The following DHX36 variants were observed in gnomAD, a reference collection of about 807,000 sequenced individuals.
The protein encoded by DHX36 is DEAH-box helicase 36.
Under a neutral mutation model 139.0 loss-of-function variants are expected in DHX36, and 50 were observed. That is an observed-to-expected ratio of 0.36 (90% confidence interval 0.29 to 0.46). The LOEUF is 0.46. Ranked by LOEUF, DHX36 falls within the 20% of genes least tolerant of loss-of-function variation. The pLI is 1.00. For synonymous variants in DHX36, 425 were observed against 401.9 expected (o/e 1.06, Z -0.69); for missense variants, 1,024 against 1,211.3 (o/e 0.85, Z 2.29).
intron 17 of DHX36, among the ~76,000 whole-genome samples, chr3:154,288,485 C>A (rs140295463): frequency 6.6e-6 from 1 of 151,952 alleles, no homozygotes; most frequent in Non-Finnish European, 1.5e-5. Context: ...TGGGAATGTT[C>A]TTCTTGATGT....
rs1418337241 is a variant in DHX36, at chr3:154,283,269, G to C, written c.2295C>G (p.Gly765=). Residue 765 remains glycine (G), a splice_region_variant and synonymous_variant, in exon 20 of 25, where the codon GGC becomes GGG. Transcript: ENST00000496811. ...DHLTVVNAFE[G]WEEARRRGFR... ...AACCACGTCGCCTAGCCTCTTCCCA[G>C]CCCTATGGGGCAAAGAAATGAAGAA... is the stretch of plus-strand genomic sequence containing the variant. 5.0e-6 allele frequency: 8 copies of C among 1,606,662 alleles called. No homozygotes were observed. In the South Asian group the frequency reaches 6.6e-5, roughly 13 times the overall value.
rs1472066814 is a variant in DHX36, at chr3:154,316,074, T to G, written c.333A>C (p.Glu111Asp). The G allele has an allele frequency of 6.2e-7, 1 of 1,613,378 alleles. No homozygotes were observed. Among genetic ancestry groups the G allele is most frequent in the Admixed American group, 1.7e-5 (1 of 59,930 alleles). The change falls in exon 2 of 25, where the codon GAA (glutamate) becomes GAC (aspartate). Residue 111 changes from glutamate to aspartate, a missense_variant. Physicochemically the swap from Glu to Asp is conservative, Grantham distance 45. Transcript: ENST00000496811. Reference sequence around the variant, plus strand: ...CAGGAGCAAACCAGGATATCTGTGCTTCTGACTCTTTATCATTCTTCGCTT... The same window carrying G: ...CAGGAGCAAACCAGGATATCTGTGCGTCTGACTCTTTATCATTCTTCGCTT... The part of the protein sequence containing the change: ...SVQAKNDKES[E>D]AQISWFAPED...
intron 5 of DHX36, 24 bp from the exon 6 acceptor site, chr3:154,306,319 G>C: frequency 6.3e-7 from 1 of 1,592,148 alleles, no homozygotes; most frequent in Non-Finnish European, 8.6e-7. Context: ...AAAACATAAA[G>C]AGAATATAAT....
At position 154,284,848 on chromosome 3, in the gene DHX36, C is replaced by G. The variant is rs775729954; in HGVS notation, c.2171G>C (p.Ser724Thr). ...CLDPVLTIAA[S>T]LSFKDPFVIP... Reference sequence around the variant, plus strand: ...GACAAATGGATCTTTGAAACTGAGACTAGCAGCAATAGTGAGTACTGGGTC... The same window carrying G: ...GACAAATGGATCTTTGAAACTGAGAGTAGCAGCAATAGTGAGTACTGGGTC... The change falls in exon 18 of 25, where the codon AGT becomes ACT. Residue 724 changes from serine (S) to threonine (T), a missense_variant. Physicochemically the swap from Ser to Thr is moderately conservative, Grantham distance 58. Coordinates refer to ENST00000496811, the MANE Select transcript of DHX36 (RefSeq NM_020865.3). 1.2e-6 allele frequency: 2 copies of G among 1,613,860 alleles called. No homozygotes were observed. The highest frequency in any genetic ancestry group is 3.3e-5 in the Admixed American group (2 of 59,950).
chr3:154,308,794 T>A (rs1280883797), intron 5 of DHX36, among the ~76,000 whole-genome samples: 2 of 152,184 alleles, frequency 1.3e-5, no homozygotes, highest in Admixed American at 6.5e-5. Context: ...TATAAACTGT[T>A]ACTTAAGTAT....
In DHX36 at chr3:154,305,128, T is replaced by A; in HGVS notation, c.934A>T (p.Thr312Ser). The change falls in exon 7 of 25, where the codon ACA (threonine) becomes TCA (serine). Residue 312 changes from threonine (T) to serine (S), a missense_variant. Transcript: ENST00000496811. ...RKQGSILYCT[T>S]GIILQWLQSD... The stretch of plus-strand genomic sequence containing the variant: ...TGGAGCCACTGAAGGATGATTCCTG[T>A]TGTACAGTATAAGATAGAACCCTGT... 6.2e-7 allele frequency: 1 copy of A among 1,613,818 alleles called. No homozygotes were observed. The highest frequency in any genetic ancestry group is 8.5e-7 in the Non-Finnish European group (1 of 1,179,914).
At chr3:154,319,126 C>A (rs1338195183) in intron 1 of DHX36, 1 of 152,118 alleles carries the variant, frequency 6.6e-6, no homozygotes, top group Non-Finnish European at 1.5e-5. Flanking sequence ...ATGCCTCTCT[C>A]CCCCTCAACA....
intron 13 of DHX36, among the ~76,000 whole-genome samples, chr3:154,294,594 G>A (rs1032690851): frequency 6.6e-6 from 1 of 152,010 alleles, no homozygotes; most frequent in Non-Finnish European, 1.5e-5. Context: ...TCTTCTCTCA[G>A]GTATGTACTC....
rs765531803 is a variant in DHX36 at position 154,288,897 on chromosome 3, A to T, written c.2000T>A (p.Val667Glu). ...CATCAGGTGTCTTATGGAGAGTAAC[A>T]CTGCCTCATTTGATGGTGGGTCCAT... is the stretch of plus-strand genomic sequence containing the variant. ...RLMDPPSNEAVLLSIRHLMEL... is the reference protein window; with the variant it reads ...RLMDPPSNEAELLSIRHLMEL... Residue 667 changes from valine to glutamate, a missense_variant, in exon 17 of 25, where the codon GTG becomes GAG. Coordinates refer to ENST00000496811, the MANE Select transcript of DHX36 (RefSeq NM_020865.3). 1.3e-6 allele frequency: 2 copies of T among 1,593,774 alleles called. No individual in the cohort carries two copies. Among genetic ancestry groups the T allele is most frequent in the East Asian group, 4.5e-5 (2 of 44,058 alleles).
At chr3:154,315,394 G>C in intron 2 of DHX36, 114 bp from the exon 3 acceptor site, 1 of 686,418 alleles carries the variant, frequency 1.5e-6, no homozygotes, top group South Asian at 2.5e-5. Flanking sequence ...CAAATCCAAA[G>C]CTTTTCTTTT....
intron 17 of DHX36, among the ~76,000 whole-genome samples, chr3:154,288,510 T>C: frequency 6.6e-6 from 1 of 152,196 alleles, no homozygotes; most frequent in Non-Finnish European, 1.5e-5. Context: ...AATTACTACA[T>C]AGTCCTTCCT....
intron 17 of DHX36, 79 bp from the exon 18 acceptor site, chr3:154,285,066 A>G (rs1711508971): frequency 1.4e-6 from 2 of 1,445,532 alleles, no homozygotes; most frequent in Non-Finnish European, 1.9e-6. Flanking sequence ...CTTTAAAAAG[A>G]GTAACAAGCC....
chr3:154,305,622 C>A (rs1450883563), intron 6 of DHX36, among the ~76,000 whole-genome samples: 1 of 152,078 alleles, frequency 6.6e-6, no homozygotes, highest in Non-Finnish European at 1.5e-5. Context: ...AAAAAATTAG[C>A]CAGTTGTGGT....
intron 8 of DHX36, 55 bp downstream of exon 8, chr3:154,304,751 T>C (rs950968525): frequency 1.2e-4 from 159 of 1,350,340 alleles, no homozygotes; most frequent in Non-Finnish European, 1.5e-4. Flanking sequence ...ATATTAATTT[T>C]TTTAATTGTT....
chr3:154,303,120 G>A (rs1712366432), intron 9 of DHX36, among the ~76,000 whole-genome samples: 1 of 152,050 alleles, frequency 6.6e-6, no homozygotes, highest in African/African-American at 2.4e-5. Context: ...CTCAGACACT[G>A]TAATGTAATT....
chr3:154,308,119 T>C (rs1464762327), intron 5 of DHX36, among the ~76,000 whole-genome samples: 1 of 152,130 alleles, frequency 6.6e-6, no homozygotes, highest in Non-Finnish European at 1.5e-5. Context: ...ATGGGTACAA[T>C]GTATATGATG....
chr3:154,311,727 T>C (rs751332197), intron 3 of DHX36, 53 bp from the exon 4 acceptor site: 2 of 1,433,110 alleles, frequency 1.4e-6, no homozygotes, highest in Non-Finnish European at 1.9e-6. Context: ...AATCAAATTA[T>C]AATCATGGTA....
chr3:154,319,999 C>T lies in DHX36; in HGVS notation c.244-3836G>A, dbSNP rs112050100. Reference sequence around the variant, plus strand: ...ATCTCTGTTTCACTTGCCACCCTACCGCAATCTGGCTTTTACTTCCACAAT... The same window carrying T: ...ATCTCTGTTTCACTTGCCACCCTACTGCAATCTGGCTTTTACTTCCACAAT... On this transcript the variant is annotated intron_variant, in intron 1 of 24. Coordinates refer to ENST00000496811, the MANE Select transcript of DHX36 (RefSeq NM_020865.3). 5.0e-3 allele frequency among the ~76,000 whole-genome samples: 756 copies of T among 152,272 alleles called. 5 individuals are homozygous for T. The highest frequency in any genetic ancestry group is 0.017 in the African/African-American group (709 of 41,538).
intron 19 of DHX36, among the ~76,000 whole-genome samples, chr3:154,283,677 GAA>G (rs1395839842): frequency 6.6e-6 from 1 of 151,024 alleles, no homozygotes; most frequent in African/African-American, 2.4e-5. Flanking sequence ...GGGGAAAAAG[GAA>G]AGACAAGCTG....
Sources: gnomAD v4.1 joint callset for allele counts (sites outside exome capture counted in the v4.1 genomes callset) on GRCh38, gnomAD v4.1.1 for gene constraint, MANE v1.5 for transcripts, NCBI Gene and HGNC (gene_info 2026-07-23, HGNC 2026-07-21) for gene names.